CPHXL: variants seen among roughly 807,000 people sequenced by gnomAD.
CPHXL encodes cytoplasmic polyadenylated homeobox-like protein.
chr16:75,726,350 C>A (rs1365618515), intron 1 of CPHXL, 68 bp downstream of exon 1: 1 of 398,416 alleles, frequency 2.5e-6, no homozygotes. Flanking sequence ...GTGCTTTAAA[C>A]TTTGACACAC....
At chr16:75,718,538 T>A in intron 1 of CPHXL, 80 bp from the exon 2 acceptor site, 1 of 397,034 alleles carries the variant, frequency 2.5e-6, no homozygotes, top group South Asian at 1.3e-4. Context: ...CCAACAGTGT[T>A]AGCACCATAG....
chr16:75,718,602 A>G, intron 1 of CPHXL, 144 bp from the exon 2 acceptor site: 1 of 392,534 alleles, frequency 2.5e-6, no homozygotes, highest in East Asian at 3.6e-5. Context: ...GCTACTCACA[A>G]TAATAAAATT....
Position 75,714,438 on chromosome 16 carries a change from G to A in CPHXL, c.1004C>T (p.Pro335Leu), listed in dbSNP as rs944123469. 10 of 398,474 alleles carry A rather than the reference G, an allele frequency of 2.5e-5. No individual in the cohort carries two copies. Among genetic ancestry groups the A allele is most frequent in the Admixed American group, 4.4e-5 (1 of 22,718 alleles). The allele number at this position is 398,474 out of a possible 1,614,324, so 24.7% of individuals were successfully genotyped here. A position where few individuals can be genotyped will look rare whatever the true frequency, so the allele number is the denominator to read the frequency against. ...LEGMMLQEQLPMDSGPWDLGK... is the reference protein window; with the variant it reads ...LEGMMLQEQLLMDSGPWDLGK... ...TAGATCCCAAGGACCCGAGTCCATT[G>A]GGAGCTGTTCCTGCAACATCATCCC... is the stretch of plus-strand genomic sequence containing the variant. Residue 335 changes from proline (P) to leucine (L), a missense_variant, in exon 3 of 3, where the codon CCA becomes CTA. By Grantham distance (98) the Pro-to-Leu change is moderately conservative (BLOSUM62 -3). Transcript: ENST00000640559.
intron 1 of CPHXL, among the ~76,000 whole-genome samples, chr16:75,719,563 C>T (rs1165698743): frequency 6.6e-6 from 1 of 152,070 alleles, no homozygotes; most frequent in South Asian, 2.1e-4. Flanking sequence ...AGGAGGGGCG[C>T]CTGTCATTAC....
In CPHXL at chr16:75,718,579, G is replaced by C. The variant is rs141924596; in HGVS notation, c.26-121C>G. On this transcript the variant is annotated intron_variant, in intron 1 of 2. Transcript: ENST00000640559. ...CTCCCCTTCCCAAGATGAAATCCAC[G>C]TGTGACCTCATAGCTACTCACAATA... The C allele has an allele frequency of 2.1e-3, 846 of 394,958 alleles. 1 individual carries two copies. Among genetic ancestry groups the C allele is most frequent in the Non-Finnish European group, 2.7e-3 (600 of 224,136 alleles). The allele number at this position is 394,958 out of a possible 1,614,324, so 24.5% of individuals were successfully genotyped here. A position where few individuals can be genotyped will look rare whatever the true frequency, so the allele number is the denominator to read the frequency against.
intron 2 of CPHXL, among the ~76,000 whole-genome samples, chr16:75,717,469 G>A (rs771688556): frequency 1.3e-5 from 2 of 152,108 alleles, no homozygotes; most frequent in Non-Finnish European, 2.9e-5. Flanking sequence ...TATATACTAT[G>A]CACATTCTCT....
In CPHXL at chr16:75,726,450, T is replaced by C. The variant is rs1007900216; in HGVS notation, c.-8A>G. On this transcript the variant is annotated 5_prime_UTR_variant, in exon 1 of 3. Transcript: ENST00000640559. ...AGTGCCGTCCAAATTCATCTTGGGG[T>C]AGAAGACCTGGACTTCACGGAGACC... 1 of 398,458 alleles carries C rather than the reference T, an allele frequency of 2.5e-6. No homozygotes were observed. Among genetic ancestry groups the C allele is most frequent in the African/African-American group, 2.1e-5 (1 of 48,608 alleles). 24.7% of individuals were successfully genotyped at this position (398,458 alleles called of 1,614,324 possible).
At chr16:75,718,511 A>G (rs1398373702) in intron 1 of CPHXL, 53 bp from the exon 2 acceptor site, 2 of 397,868 alleles carry the variant, frequency 5.0e-6, no homozygotes, top group Non-Finnish European at 4.4e-6. Context: ...GGTAATAACC[A>G]GACCAAAGAA....
chr16:75,723,915 C>A (rs1313170505), intron 1 of CPHXL, among the ~76,000 whole-genome samples: 8 of 152,102 alleles, frequency 5.3e-5, no homozygotes, highest in African/African-American at 1.7e-4. Context: ...GGTACTGGTA[C>A]CAAAACAGAG....
chr16:75,721,190 T>C (rs902636175), intron 1 of CPHXL, among the ~76,000 whole-genome samples: 3 of 152,118 alleles, frequency 2.0e-5, no homozygotes, highest in Admixed American at 6.6e-5. Context: ...AGAAACTGCA[T>C]GAACTAAGGG....
At chr16:75,718,527 C>G (rs1959427221) in intron 1 of CPHXL, 69 bp from the exon 2 acceptor site, 1 of 397,204 alleles carries the variant, frequency 2.5e-6, no homozygotes, top group Non-Finnish European at 4.4e-6. Context: ...AAGAAGAGTT[C>G]CCAACAGTGT....
intron 1 of CPHXL, among the ~76,000 whole-genome samples, chr16:75,721,730 A>G (rs1046524860): frequency 2.0e-5 from 3 of 152,204 alleles, no homozygotes; most frequent in African/African-American, 7.2e-5. Context: ...CAAGAATTGA[A>G]CTCAGCTCTG....
At position 75,715,235 on chromosome 16, in the gene CPHXL, G is replaced by T. The variant is rs974093791; in HGVS notation, c.220-13C>A. 2.5e-6 allele frequency: 1 copy of T among 398,628 alleles called. No individual in the cohort carries two copies. The highest frequency in any genetic ancestry group is 4.4e-6 in the Non-Finnish European group (1 of 226,178). The allele number at this position is 398,628 out of a possible 1,614,324, so 24.7% of individuals were successfully genotyped here. On this transcript the variant is annotated splice_polypyrimidine_tract_variant and intron_variant, in intron 2 of 2. Coordinates refer to ENST00000640559, the MANE Select transcript of CPHXL (RefSeq NM_001355613.1). Reference sequence around the variant, plus strand: ...TCTGGAACCAATTCTAGAGAGAAAAGATAATATTGTTTTATTGACTCTACT... The same window carrying T: ...TCTGGAACCAATTCTAGAGAGAAAATATAATATTGTTTTATTGACTCTACT...
chr16:75,721,830 C>G (rs982622126), intron 1 of CPHXL, among the ~76,000 whole-genome samples: 6 of 152,140 alleles, frequency 3.9e-5, no homozygotes, highest in Non-Finnish European at 7.4e-5. Flanking sequence ...ACACCTATTC[C>G]AAAATTGACC....
At position 75,726,419 on chromosome 16, in the gene CPHXL, A is replaced by G; in HGVS notation, c.24T>C (p.Gly8=). ...GAGAAAAAGCTGATGGGAACTTACC[A>G]CCTGAAGTGCCGTCCAAATTCATCT... MNLDGTS[G]GFPAEEDHHN... The change falls in exon 1 of 3, where the codon GGT becomes GGC. Residue 8 remains glycine (G), a splice_region_variant and synonymous_variant. Coordinates refer to ENST00000640559, the MANE Select transcript of CPHXL (RefSeq NM_001355613.1). 1.8e-5 allele frequency: 7 copies of G among 398,644 alleles called. No homozygotes were observed. The East Asian group carries it at 1.8e-4, about 10-fold the overall frequency. 24.7% of individuals were successfully genotyped at this position (398,644 alleles called of 1,614,324 possible). A position where few individuals can be genotyped will look rare whatever the true frequency, so the allele number is the denominator to read the frequency against.
chr16:75,725,128 G>T (rs1001525450), intron 1 of CPHXL, among the ~76,000 whole-genome samples: 11 of 146,792 alleles, frequency 7.5e-5, no homozygotes, highest in African/African-American at 2.7e-4. Flanking sequence ...CCTGTTGTGG[G>T]GTCGGGGGAG....
chr16:75,718,218 A>G (rs1435533177), intron 2 of CPHXL, 47 bp downstream of exon 2: 1 of 167,798 alleles, frequency 6.0e-6, no homozygotes, highest in Non-Finnish European at 1.2e-5. Flanking sequence ...GACCTTGTCT[A>G]AAAAAAAAAA....
At chr16:75,716,443 C>T (rs1959391762) in intron 2 of CPHXL, among the ~76,000 whole-genome samples, 1 of 152,130 alleles carries the variant, frequency 6.6e-6, no homozygotes, top group Admixed American at 6.5e-5. Context: ...GAGTGGCTCA[C>T]AGAACTAAGT....
intron 1 of CPHXL, among the ~76,000 whole-genome samples, chr16:75,720,982 A>G (rs1274212229): frequency 6.6e-6 from 1 of 152,218 alleles, no homozygotes; most frequent in African/African-American, 2.4e-5. Context: ...TTCAACCAGA[A>G]TTTCATATCC....
Sources: gnomAD v4.1 joint callset for allele counts (sites outside exome capture counted in the v4.1 genomes callset) on GRCh38, gnomAD v4.1.1 for gene constraint, MANE v1.5 for transcripts, NCBI Gene and HGNC (gene_info 2026-07-23, HGNC 2026-07-21) for gene names.